Variants in DHX15 observed in about 807,000 individuals in gnomAD.
DHX15 encodes DEAH-box helicase 15, also known as ATP-dependent RNA helicase DHX15.
In DHX15, 11 loss-of-function variants were observed where a neutral mutation model predicts 94.4. The observed-to-expected ratio is 0.12, with a 90% CI of 0.07 to 0.19. DHX15 has a LOEUF of 0.19. Among genes scored for constraint, DHX15 ranks in the 10% least tolerant of loss-of-function variants. The pLI, the probability that DHX15 is intolerant of heterozygous loss-of-function variation, is 1.00. For synonymous variants in DHX15, 338 were observed against 329.9 expected (o/e 1.02, Z -0.27); for missense variants, 304 against 988.5 (o/e 0.31, Z 9.29).
At chr4:24,536,288 T>G (rs983878159) in intron 11 of DHX15, among the ~76,000 whole-genome samples, 13 of 152,200 alleles carry the variant, frequency 8.5e-5, no homozygotes, top group Non-Finnish European at 2.9e-5. Context: ...AGCCAATTTT[T>G]TTTTTACCAC....
chr4:24,577,345 CTTAG>C (rs1357980759), intron 1 of DHX15, among the ~76,000 whole-genome samples: 1 of 152,128 alleles, frequency 6.6e-6, no homozygotes, highest in African/African-American at 2.4e-5. Flanking sequence ...AATTTGTTTT[CTTAG>C]TTATACTTTC....
At chr4:24,574,578 T>C (rs143907267) in intron 2 of DHX15, among the ~76,000 whole-genome samples, 7 of 152,172 alleles carry the variant, frequency 4.6e-5, no homozygotes, top group Admixed American at 1.3e-4. Context: ...GTATGAAATA[T>C]AAAACTTTAG....
intron 8 of DHX15, among the ~76,000 whole-genome samples, chr4:24,541,321 C>T (rs1721304457): frequency 6.6e-6 from 1 of 152,046 alleles, no homozygotes; most frequent in Non-Finnish European, 1.5e-5. Flanking sequence ...ATGCTATATA[C>T]ACTATACACC....
Position 24,541,859 on chromosome 4 carries a change from A to T in DHX15, c.1485+14T>A. 6.4e-7 allele frequency: 1 copy of T among 1,553,116 alleles called. No individual in the cohort carries two copies. Among genetic ancestry groups the T allele is most frequent in the Non-Finnish European group, 8.8e-7 (1 of 1,142,104 alleles). ...ATTTTAAACATATCGGCAGGAAACG[A>T]CAATACCCCATACCTGCATTTCTGT... On this transcript the variant is annotated intron_variant, in intron 8 of 13. Transcript: ENST00000336812.
intron 1 of DHX15, 46 bp from the exon 2 acceptor site, chr4:24,576,724 T>C: frequency 5.0e-6 from 8 of 1,595,122 alleles, no homozygotes; most frequent in Non-Finnish European, 6.8e-6. Flanking sequence ...TTATGCAGAA[T>C]GTTCACGGTA....
chr4:24,562,464 T>C (rs13137703), intron 3 of DHX15, among the ~76,000 whole-genome samples: 34,840 of 152,166 alleles, frequency 0.23, 5,129 homozygotes, highest in Non-Finnish European at 0.33. Context: ...TTTCCTATTA[T>C]TGTCTGATCT....
chr4:24,554,235 C>T (rs1424638216), intron 5 of DHX15, among the ~76,000 whole-genome samples: 1 of 152,016 alleles, frequency 6.6e-6, no homozygotes, highest in African/African-American at 2.4e-5. Context: ...AAAAGAAATG[C>T]TACATCTGAG....
At chr4:24,548,122 G>T (rs1245351516) in intron 6 of DHX15, among the ~76,000 whole-genome samples, 2 of 147,860 alleles carry the variant, frequency 1.4e-5, no homozygotes, top group Non-Finnish European at 3.0e-5. Context: ...ACATACTTAT[G>T]CAGTGTGATC....
intron 11 of DHX15, among the ~76,000 whole-genome samples, chr4:24,535,968 CCA>C (rs1358538004): frequency 6.6e-6 from 1 of 152,074 alleles, no homozygotes; most frequent in African/African-American, 2.4e-5. Flanking sequence ...TGACAGAATT[CCA>C]CATTTTTGGC....
rs775786899 is a variant in DHX15 at position 24,576,447 on chromosome 4, C to T, written c.303G>A (p.Thr101=). The T allele has an allele frequency of 1.7e-5, 28 of 1,614,004 alleles. No individual in the cohort carries two copies. The highest frequency in any genetic ancestry group is 1.9e-5 in the Non-Finnish European group (23 of 1,180,032). The change falls in exon 2 of 14, where the codon ACG becomes ACA. Residue 101 remains threonine, a synonymous_variant. Coordinates refer to ENST00000336812, the MANE Select transcript of DHX15 (RefSeq NM_001358.3). The part of the protein sequence containing the change: ...STHSTHSAHS[T]HAGHAGHTSL... ...ACGTGTGACCTGCATGTCCGGCATG[C>T]GTTGAATGAGCAGAATGTGTTGAAT...
At chr4:24,541,201 C>A (rs749363654) in intron 8 of DHX15, among the ~76,000 whole-genome samples, 2 of 152,242 alleles carry the variant, frequency 1.3e-5, no homozygotes, top group South Asian at 4.1e-4. Flanking sequence ...AGTCTTCACT[C>A]ATCTGAACTC....
At chr4:24,548,219 T>C (rs1318522905) in intron 6 of DHX15, among the ~76,000 whole-genome samples, 1 of 147,458 alleles carries the variant, frequency 6.8e-6, no homozygotes, top group Non-Finnish European at 1.5e-5. Flanking sequence ...CTCAGCTCAC[T>C]GCAACCTCCG....
intron 2 of DHX15, among the ~76,000 whole-genome samples, chr4:24,572,463 C>T (rs562034091): frequency 1.3e-4 from 20 of 152,202 alleles, no homozygotes; most frequent in South Asian, 6.2e-4. Context: ...TTAATTCACT[C>T]CGCTAAAATC....
intron 1 of DHX15, among the ~76,000 whole-genome samples, chr4:24,581,247 C>A (rs1450863176): frequency 6.6e-6 from 1 of 151,982 alleles, no homozygotes; most frequent in Non-Finnish European, 1.5e-5. Context: ...CCAGGATGGT[C>A]TTGATCTCCT....
At chr4:24,553,189 C>T (rs1721649651) in intron 5 of DHX15, among the ~76,000 whole-genome samples, 1 of 152,060 alleles carries the variant, frequency 6.6e-6, no homozygotes, top group South Asian at 2.1e-4. Flanking sequence ...GGCATGGTGG[C>T]GCATGCCTGT....
intron 6 of DHX15, among the ~76,000 whole-genome samples, chr4:24,547,230 C>A (rs1212849740): frequency 1.3e-5 from 2 of 152,200 alleles, no homozygotes; most frequent in Non-Finnish European, 2.9e-5. Flanking sequence ...GGCTGAAACA[C>A]CATCACTGGA....
chr4:24,578,396 A>C (rs1258016970), intron 1 of DHX15, among the ~76,000 whole-genome samples: 1 of 152,200 alleles, frequency 6.6e-6, no homozygotes, highest in Non-Finnish European at 1.5e-5. Flanking sequence ...GCAAAGTAAG[A>C]AGCACTGTAC....
intron 6 of DHX15, among the ~76,000 whole-genome samples, chr4:24,546,019 C>G (rs1477569687): frequency 6.6e-6 from 1 of 152,120 alleles, no homozygotes; most frequent in African/African-American, 2.4e-5. Context: ...AACCACTTCC[C>G]CCCACTCCGC....
chr4:24,584,332 C>A lies in DHX15; in HGVS notation c.62G>T (p.Gly21Val), dbSNP rs1456792527. Residue 21 changes from glycine (G) to valine (V), a missense_variant, in exon 1 of 14, where the codon GGG becomes GTG. By Grantham distance (109) the Gly-to-Val change is moderately radical. Transcript: ENST00000336812. ...EDYPSGKKRA[G>V]TDGKDRDRDR... The stretch of plus-strand genomic sequence containing the variant: ...CCCCGGCCTGGCTTACCCATCGGTC[C>A]CCGCACGCTTCTTGCCAGAGGGGTA... 3.7e-6 allele frequency: 6 copies of A among 1,612,676 alleles called. No individual in the cohort carries two copies. Among genetic ancestry groups the A allele is most frequent in the East Asian group, 4.5e-5 (2 of 44,786 alleles).
Sources: gnomAD v4.1 joint callset for allele counts (sites outside exome capture counted in the v4.1 genomes callset) on GRCh38, gnomAD v4.1.1 for gene constraint, MANE v1.5 for transcripts, NCBI Gene and HGNC (gene_info 2026-07-23, HGNC 2026-07-21) for gene names.